The following MPPED2 variants were observed in gnomAD, a reference collection of about 807,000 sequenced individuals.
MPPED2 encodes metallophosphoesterase domain containing 2.
In MPPED2, 5 loss-of-function variants were observed where a neutral mutation model predicts 33.0. That is an observed-to-expected ratio of 0.15 (90% confidence interval 0.08 to 0.32). MPPED2 has a LOEUF of 0.32. MPPED2 is among the 10% of genes least tolerant of loss of function. MPPED2 has a pLI of 1.00. For synonymous variants in MPPED2, 136 were observed against 141.9 expected (o/e 0.96, Z 0.29); for missense variants, 275 against 372.1 (o/e 0.74, Z 2.15).
intron 4 of MPPED2, among the ~76,000 whole-genome samples, chr11:30,456,743 G>A (rs765417515): frequency 6.6e-6 from 1 of 152,104 alleles, no homozygotes; most frequent in African/African-American, 2.4e-5. Flanking sequence ...TTTCTCATGG[G>A]TACAGAATAT....
chr11:30,423,333 G>A (rs1948694381), intron 4 of MPPED2, among the ~76,000 whole-genome samples: 1 of 152,192 alleles, frequency 6.6e-6, no homozygotes, highest in South Asian at 2.1e-4. Flanking sequence ...TGCACAGACA[G>A]GTCCTGAGCT....
chr11:30,569,179 G>A (rs1174866327), intron 2 of MPPED2, among the ~76,000 whole-genome samples: 1 of 151,928 alleles, frequency 6.6e-6, no homozygotes, highest in African/African-American at 2.4e-5. Context: ...CAAAACAGGG[G>A]AGCCATCCAC....
At chr11:30,514,307 A>G (rs1003297960) in intron 3 of MPPED2, among the ~76,000 whole-genome samples, 3 of 152,198 alleles carry the variant, frequency 2.0e-5, no homozygotes, top group African/African-American at 7.2e-5. Context: ...CACCTATACA[A>G]AGAGACATAC....
At chr11:30,524,214 T>C (rs923201171) in intron 3 of MPPED2, among the ~76,000 whole-genome samples, 3 of 151,766 alleles carry the variant, frequency 2.0e-5, no homozygotes, top group African/African-American at 4.8e-5. Context: ...GATAGCGCCA[T>C]TGCACTCCAG....
chr11:30,471,938 A>C (rs1950963816), intron 4 of MPPED2, among the ~76,000 whole-genome samples: 1 of 151,984 alleles, frequency 6.6e-6, no homozygotes, highest in Admixed American at 6.6e-5. Flanking sequence ...TATAAACCAC[A>C]TGCAACCAAA....
chr11:30,584,167 A>T (rs1957329568), intron 1 of MPPED2: 1 of 151,996 alleles, frequency 6.6e-6, no homozygotes, highest in African/African-American at 2.4e-5. Context: ...CGGGTGACAC[A>T]TTCTTTCGGA....
At chr11:30,427,171 A>G (rs546857681) in intron 4 of MPPED2, among the ~76,000 whole-genome samples, 19 of 152,356 alleles carry the variant, frequency 1.2e-4, no homozygotes, top group South Asian at 1.0e-3. Context: ...TAAGAAAAAG[A>G]GGAAAGGTAG....
chr11:30,454,653 T>TA (rs1215599683), intron 4 of MPPED2, among the ~76,000 whole-genome samples: 2 of 152,130 alleles, frequency 1.3e-5, no homozygotes, highest in African/African-American at 2.4e-5. Flanking sequence ...CTCTCCTTTT[T>TA]AAAAAATCCT....
At chr11:30,446,732 C>T (rs1313639719) in intron 4 of MPPED2, among the ~76,000 whole-genome samples, 5 of 152,114 alleles carry the variant, frequency 3.3e-5, no homozygotes, top group Non-Finnish European at 7.4e-5. Context: ...AGGCAGCCAA[C>T]GAGCACCCCT....
intron 4 of MPPED2, among the ~76,000 whole-genome samples, chr11:30,482,013 G>A (rs978875828): frequency 7.2e-5 from 11 of 152,004 alleles, no homozygotes; most frequent in African/African-American, 2.7e-4. Flanking sequence ...TATACGTGAT[G>A]ACGGCACCAA....
At chr11:30,444,261 C>G (rs560129984) in intron 4 of MPPED2, among the ~76,000 whole-genome samples, 1 of 152,064 alleles carries the variant, frequency 6.6e-6, no homozygotes, top group Non-Finnish European at 1.5e-5. Flanking sequence ...TGCGTTATAA[C>G]GTAATGAAAA....
chr11:30,417,855 A>G (rs1486883130), intron 4 of MPPED2, among the ~76,000 whole-genome samples: 1 of 152,188 alleles, frequency 6.6e-6, no homozygotes, highest in Non-Finnish European at 1.5e-5. Context: ...GGGGCACAAG[A>G]GCCTTTACAG....
At chr11:30,580,552 G>C in intron 1 of MPPED2, 58 bp from the exon 2 acceptor site, 1 of 1,391,088 alleles carries the variant, frequency 7.2e-7, no homozygotes, top group Non-Finnish European at 9.4e-7. Flanking sequence ...GGTGTTCTAA[G>C]AGACATAAAT....
At position 30,390,663 on chromosome 11, in the gene MPPED2, C is replaced by G. The variant is rs115483995; in HGVS notation, c.767-1707G>C. 5.3e-3 allele frequency among the ~76,000 whole-genome samples: 805 copies of G among 152,328 alleles called. 5 individuals carry two copies. The highest frequency in any genetic ancestry group is 0.018 in the African/African-American group (757 of 41,562). On this transcript the variant is annotated intron_variant, in intron 6 of 6. Transcript: ENST00000448418. Reference sequence around the variant, plus strand: ...GCTGTGTAACAAAGTACCCCAAAACCTAGTGGCTTAAAACAACAACTTATT... The same window carrying G: ...GCTGTGTAACAAAGTACCCCAAAACGTAGTGGCTTAAAACAACAACTTATT...
intron 2 of MPPED2, among the ~76,000 whole-genome samples, chr11:30,557,760 G>A (rs1956049360): frequency 6.6e-6 from 1 of 152,172 alleles, no homozygotes; most frequent in African/African-American, 2.4e-5. Flanking sequence ...CAACATATTT[G>A]AAGATAAGTG....
At chr11:30,417,959 A>G (rs997699109) in intron 4 of MPPED2, among the ~76,000 whole-genome samples, 1 of 152,132 alleles carries the variant, frequency 6.6e-6, no homozygotes, top group Non-Finnish European at 1.5e-5. Context: ...GCCCCGATCC[A>G]AAGCATTTCC....
intron 6 of MPPED2, among the ~76,000 whole-genome samples, chr11:30,412,558 A>C (rs112100779): frequency 1.3e-5 from 2 of 152,318 alleles, no homozygotes; most frequent in African/African-American, 4.8e-5. Flanking sequence ...AATTTCTCCA[A>C]GTAAAGCCTG....
intron 2 of MPPED2, among the ~76,000 whole-genome samples, chr11:30,579,572 C>T (rs1171817353): frequency 5.3e-5 from 8 of 152,136 alleles, no homozygotes; most frequent in African/African-American, 9.7e-5. Context: ...GTTTCTGCCA[C>T]ACTTTGCTCC....
rs1490536936 is a variant in MPPED2 at position 30,410,399 on chromosome 11, G to A, written c.*1069C>T. Reference sequence around the variant, plus strand: ...AAATGACTATTAGCGACAATATTTTGTGCTAGCGAAGATTGCATCGACACA... The same window carrying A: ...AAATGACTATTAGCGACAATATTTTATGCTAGCGAAGATTGCATCGACACA... On this transcript the variant is annotated 3_prime_UTR_variant, in exon 7 of 7. Transcript: ENST00000358117. 1.0e-6 allele frequency: 1 copy of A among 985,632 alleles called. No individual in the cohort carries two copies. Among genetic ancestry groups the A allele is most frequent in the Non-Finnish European group, 1.2e-6 (1 of 829,858 alleles). 61.1% of individuals were successfully genotyped at this position (985,632 alleles called of 1,614,324 possible). A position where few individuals can be genotyped will look rare whatever the true frequency, so the allele number is the denominator to read the frequency against.
Sources: allele counts gnomAD v4.1 joint callset (sites outside exome capture counted in the v4.1 genomes callset), GRCh38; gene constraint gnomAD v4.1.1; transcripts MANE v1.5; gene names NCBI Gene and HGNC (gene_info 2026-07-23, HGNC 2026-07-21).